RTCA: variants seen among roughly 807,000 people sequenced by gnomAD.
RTCA encodes RNA 3'-terminal phosphate cyclase, also known as RNA terminal phosphate cyclase domain 1.
RTCA carries 37 observed loss-of-function variants against 46.1 expected under a neutral mutation model. The ratio of observed to expected loss-of-function variants is 0.80; its 90% CI spans 0.62 to 1.06. The LOEUF (loss-of-function observed/expected upper bound fraction) is 1.06. Among genes scored for constraint, RTCA ranks in the 50% least tolerant of loss-of-function variants. The pLI, the probability that RTCA is intolerant of heterozygous loss-of-function variation, is 0.00. For synonymous variants in RTCA, 164 were observed against 158.3 expected (o/e 1.04, Z -0.27); for missense variants, 435 against 455.5 (o/e 0.95, Z 0.41).
chr1:100,275,992 C>A (rs566249480), intron 7 of RTCA, among the ~76,000 whole-genome samples: 1 of 151,952 alleles, frequency 6.6e-6, no homozygotes, highest in East Asian at 1.9e-4. Flanking sequence ...CCCACCACCA[C>A]GCCCAGCTAA....
rs1349313927 is a variant in RTCA, at chr1:100,291,501, A to G, written c.1098A>G (p.Leu366=). ...CQGIGMTNPN[L] ...GAATTGGGATGACAAATCCAAATCT[A>G]TAGAGTATTTGCCTCTTAAATGATA... Residue 366 remains leucine, a synonymous_variant, in exon 11 of 11, where the codon CTA becomes CTG. Transcript: ENST00000370128. The G allele has an allele frequency of 5.1e-6, 8 of 1,582,700 alleles. No homozygotes were observed. Among genetic ancestry groups the G allele is most frequent in the African/African-American group, 1.3e-5 (1 of 74,194 alleles).
At chr1:100,276,021 G>C (rs755359137) in intron 7 of RTCA, among the ~76,000 whole-genome samples, 1 of 151,824 alleles carries the variant, frequency 6.6e-6, no homozygotes, top group Non-Finnish European at 1.5e-5. Flanking sequence ...ATTTTTAGTA[G>C]AGACAGGGTT....
chr1:100,270,836 C>A (rs1666050674), intron 4 of RTCA, among the ~76,000 whole-genome samples, 156 bp downstream of exon 4: 1 of 150,590 alleles, frequency 6.6e-6, no homozygotes, highest in South Asian at 2.1e-4. Context: ...TGAGACAGTG[C>A]TGTTGCCAAG....
At chr1:100,288,630 G>T (rs1570893503) in intron 10 of RTCA, among the ~76,000 whole-genome samples, 1 of 151,642 alleles carries the variant, frequency 6.6e-6, no homozygotes, top group African/African-American at 2.4e-5. Context: ...GGCTCAAGCA[G>T]TCCTCTGACC....
At chr1:100,269,082 G>A (rs1665939669) in intron 3 of RTCA, among the ~76,000 whole-genome samples, 1 of 151,102 alleles carries the variant, frequency 6.6e-6, no homozygotes, top group Non-Finnish European at 1.5e-5. Flanking sequence ...GGTGGTACAT[G>A]CCGGTAGTCC....
At chr1:100,274,186 A>G (rs1018791093) in intron 5 of RTCA, among the ~76,000 whole-genome samples, 1 of 152,140 alleles carries the variant, frequency 6.6e-6, no homozygotes, top group Admixed American at 6.5e-5. Context: ...AGCCTTTCTT[A>G]TAGCCTGACC....
At chr1:100,281,952 G>A (rs1476365318) in intron 8 of RTCA, among the ~76,000 whole-genome samples, 3 of 152,062 alleles carry the variant, frequency 2.0e-5, no homozygotes. Flanking sequence ...CTGACCTCAA[G>A]TAATCTGCCT....
At chr1:100,279,523 C>T (rs531758263) in intron 8 of RTCA, among the ~76,000 whole-genome samples, 19 of 152,250 alleles carry the variant, frequency 1.2e-4, no homozygotes, top group Admixed American at 7.9e-4. Flanking sequence ...CAGCTTTAGT[C>T]CAAGCTACTC....
chr1:100,275,664 T>C lies in RTCA; in HGVS notation c.681T>C (p.Val227=). The change falls in exon 7 of 11, where the codon GTT becomes GTC. Residue 227 remains valine, a synonymous_variant. Coordinates refer to ENST00000370128, the MANE Select transcript of RTCA (RefSeq NM_003729.4). The part of the protein sequence containing the change: ...CIRKEIRDLY[V]NIQPVQEPKD... ...GAAAGGAGATCCGGGATTTGTATGT[T>C]AACATCCAGCCTGTTCAAGAACCTA... 6.2e-7 allele frequency: 1 copy of C among 1,612,616 alleles called. No individual in the cohort carries two copies. Among genetic ancestry groups the C allele is most frequent in the Non-Finnish European group, 8.5e-7 (1 of 1,179,206 alleles).
At chr1:100,283,400 G>C (rs1247426878) in intron 8 of RTCA, among the ~76,000 whole-genome samples, 1 of 151,648 alleles carries the variant, frequency 6.6e-6, no homozygotes, top group East Asian at 1.9e-4. Flanking sequence ...CATCTCAAGT[G>C]ATCTGCCCGC....
rs377393185 is a variant in RTCA at position 100,271,474 on chromosome 1, CAAAA to C, written c.414+797_414+800del. On this transcript the variant is annotated intron_variant, in intron 4 of 10. Transcript: ENST00000370128. ...AAGCAAGATGCTGTCTTTAAAAAAA[CAAAA>C]AACACCTCGAGTGTGATATAAATTA... Among the ~76,000 whole-genome samples the C allele has an allele frequency of 2.1e-3, 313 of 151,838 alleles. 2 individuals carry two copies. Among genetic ancestry groups the C allele is most frequent in the African/African-American group, 7.2e-3 (300 of 41,412 alleles).
At chr1:100,272,591 A>G (rs1666155558) in intron 4 of RTCA, among the ~76,000 whole-genome samples, 2 of 152,202 alleles carry the variant, frequency 1.3e-5, no homozygotes, top group Non-Finnish European at 1.5e-5. Flanking sequence ...ACCCAGAGAA[A>G]TAAGTAAATC....
chr1:100,280,298 A>C (rs1666628566), intron 8 of RTCA, among the ~76,000 whole-genome samples: 1 of 152,222 alleles, frequency 6.6e-6, no homozygotes, highest in African/African-American at 2.4e-5. Context: ...TTGATTGTAA[A>C]GGGATCATTA....
At chr1:100,282,731 A>AG (rs1666780406) in intron 8 of RTCA, among the ~76,000 whole-genome samples, 1 of 151,328 alleles carries the variant, frequency 6.6e-6, no homozygotes, top group Non-Finnish European at 1.5e-5. Flanking sequence ...TATGCACAAA[A>AG]TCATTTAAAA....
intron 10 of RTCA, among the ~76,000 whole-genome samples, chr1:100,290,807 TA>T (rs1667304933): frequency 6.6e-6 from 1 of 151,994 alleles, no homozygotes; most frequent in Non-Finnish European, 1.5e-5. Flanking sequence ...ATGATACAGG[TA>T]AAATATTTCA....
chr1:100,273,508 A>G, intron 5 of RTCA, 56 bp downstream of exon 5: 1 of 1,130,040 alleles, frequency 8.8e-7, no homozygotes, highest in South Asian at 1.5e-5. Context: ...GAAGTAGTGG[A>G]AAAGTTAGAC....
chr1:100,270,649 A>C lies in RTCA; in HGVS notation c.383A>C (p.Glu128Ala), dbSNP rs1210402349. The C allele has an allele frequency of 1.2e-6, 2 of 1,614,000 alleles. No homozygotes were observed. The highest frequency in any genetic ancestry group is 8.5e-7 in the Non-Finnish European group (1 of 1,180,000). ...ELHLKGGTNA[E>A]MAPQIDYTVM... Reference sequence around the variant, plus strand: ...CATTTGAAAGGTGGAACTAATGCTGAAATGGCACCACAGATCGATTATACA... The same window carrying C: ...CATTTGAAAGGTGGAACTAATGCTGCAATGGCACCACAGATCGATTATACA... Residue 128 changes from glutamate to alanine, a missense_variant, in exon 4 of 11, where the codon GAA becomes GCA. By Grantham distance (107) the Glu-to-Ala change is moderately radical. Transcript: ENST00000370128.
rs566090420 is a variant in RTCA at position 100,275,184 on chromosome 1, G to T, written c.615+219G>T. On this transcript the variant is annotated intron_variant, in intron 6 of 10. Transcript: ENST00000370128. ...ACATGTTCTCATAAGTGGAAGCTACGCATTGAATACACATGGACATAAAGA... is the reference window on the plus strand; with the variant it reads ...ACATGTTCTCATAAGTGGAAGCTACTCATTGAATACACATGGACATAAAGA... 2.0e-5 allele frequency among the ~76,000 whole-genome samples: 3 copies of T among 152,236 alleles called. No homozygotes were observed. In the East Asian group the frequency reaches 5.8e-4, roughly 29 times the overall value.
At chr1:100,269,595 A>G (rs1665972787) in intron 3 of RTCA, among the ~76,000 whole-genome samples, 1 of 151,970 alleles carries the variant, frequency 6.6e-6, no homozygotes, top group Non-Finnish European at 1.5e-5. Flanking sequence ...CTGTCTCCCA[A>G]AGTGCTGGGA....
Sources: gnomAD v4.1 joint callset for allele counts (sites outside exome capture counted in the v4.1 genomes callset) on GRCh38, gnomAD v4.1.1 for gene constraint, MANE v1.5 for transcripts, NCBI Gene and HGNC (gene_info 2026-07-23, HGNC 2026-07-21) for gene names.